Variants in MRPS21 observed in about 807,000 individuals in gnomAD.
MRPS21 encodes mitochondrial ribosomal protein S21.
In MRPS21, 8 loss-of-function variants were observed where a neutral mutation model predicts 9.9. The observed-to-expected ratio is 0.81, with a 90% CI of 0.47 to 1.45. MRPS21 has a LOEUF of 1.45. MRPS21 is among the 40% of genes most tolerant of loss of function. MRPS21 has a pLI of 0.00. For missense variants in MRPS21, 101 were observed against 118.9 expected, an observed-to-expected ratio of 0.85 and a Z score of 0.70; for synonymous variants, 40 against 40.3, an observed-to-expected ratio of 0.99 and a Z score of 0.03.
intron 2 of MRPS21, among the ~76,000 whole-genome samples, chr1:150,296,631 T>C (rs1353411721): frequency 1.3e-5 from 2 of 152,200 alleles, no homozygotes; most frequent in African/African-American, 4.8e-5. Context: ...GCCTTTAATG[T>C]GGTAGCTTTA....
chr1:150,304,970 C>T (rs1326632846), intron 2 of MRPS21: 7 of 353,236 alleles, frequency 2.0e-5, no homozygotes, highest in African/African-American at 2.2e-5. Flanking sequence ...ACCCAGAAGG[C>T]GGAGGTTGCA....
chr1:150,300,456 A>G (rs1553857452), intron 2 of MRPS21, among the ~76,000 whole-genome samples: 1 of 152,154 alleles, frequency 6.6e-6, no homozygotes. Flanking sequence ...TTAAATGTCT[A>G]CTTAATGAAC....
At chr1:150,307,166 C>T (rs1572153750) in intron 2 of MRPS21, among the ~76,000 whole-genome samples, 1 of 151,760 alleles carries the variant, frequency 6.6e-6, no homozygotes, top group African/African-American at 2.4e-5. Flanking sequence ...CTGCCTGCCT[C>T]CTGAGTAGCT....
At chr1:150,294,554 G>C in intron 2 of MRPS21, 105 bp downstream of exon 2, 9 of 944,344 alleles carry the variant, frequency 9.5e-6, no homozygotes, top group Non-Finnish European at 1.5e-5. Flanking sequence ...TGCCAGCCCA[G>C]GTGTTCACAG....
intron 2 of MRPS21, among the ~76,000 whole-genome samples, chr1:150,295,245 C>T (rs1653874365): frequency 6.6e-6 from 1 of 152,094 alleles, no homozygotes; most frequent in Non-Finnish European, 1.5e-5. Context: ...ATCTGCCTGC[C>T]TCTGCCTCCC....
chr1:150,295,960 T>G (rs1653901686), intron 2 of MRPS21, among the ~76,000 whole-genome samples: 2 of 112,732 alleles, frequency 1.8e-5, no homozygotes, highest in Non-Finnish European at 2.2e-5. Flanking sequence ...TACTTTTTTT[T>G]TTTTTTTTTT....
intron 2 of MRPS21, among the ~76,000 whole-genome samples, chr1:150,299,744 C>G (rs916158620): frequency 2.6e-5 from 4 of 152,070 alleles, no homozygotes; most frequent in Admixed American, 1.3e-4. Flanking sequence ...TGTGAGCCAC[C>G]ACACCCAGCC....
chr1:150,294,017 A>G, intron 1 of MRPS21, 119 bp downstream of exon 1: 2 of 265,108 alleles, frequency 7.5e-6, no homozygotes, highest in East Asian at 8.5e-5. Flanking sequence ...TCCCAACTCA[A>G]CCCCTTTTGG....
intron 2 of MRPS21, among the ~76,000 whole-genome samples, chr1:150,304,464 T>A (rs187684883): frequency 6.6e-6 from 1 of 151,466 alleles, no homozygotes; most frequent in Non-Finnish European, 1.5e-5. Flanking sequence ...TTCTTTGAAA[T>A]AGGGTTTCAC....
intron 2 of MRPS21, among the ~76,000 whole-genome samples, chr1:150,305,857 G>GAT (rs1387094087): frequency 1.2e-4 from 16 of 132,290 alleles, no homozygotes; most frequent in Admixed American, 9.1e-4. Context: ...GTTATTAAAA[G>GAT]ATATATATAT....
At chr1:150,304,997 C>A in intron 2 of MRPS21, 1 of 390,812 alleles carries the variant, frequency 2.6e-6, no homozygotes, top group Non-Finnish European at 5.0e-6. Context: ...CAAGATTGCG[C>A]CATTGCACTC....
chr1:150,305,873 G>A (rs1172077992), intron 2 of MRPS21, among the ~76,000 whole-genome samples: 1 of 152,048 alleles, frequency 6.6e-6, no homozygotes, highest in Admixed American at 6.6e-5. Context: ...TATATAGGGG[G>A]CAATTGTTTG....
chr1:150,294,395 G>C lies in MRPS21; in HGVS notation c.29G>C (p.Arg10Thr). 2 of 1,613,712 alleles carry C rather than the reference G, an allele frequency of 1.2e-6. No homozygotes were observed. The highest frequency in any genetic ancestry group is 1.7e-6 in the Non-Finnish European group (2 of 1,179,866). Residue 10 changes from arginine (R) to threonine (T), a missense_variant, in exon 2 of 3, where the codon AGG becomes ACG. Transcript: ENST00000614145. MAKHLKFIARTVMVQEGNVE... is the reference protein window; with the variant it reads MAKHLKFIATTVMVQEGNVE... The stretch of plus-strand genomic sequence containing the variant: ...GCAAAACATCTGAAGTTCATCGCCA[G>C]GACTGTGATGGTACAGGAAGGGAAC...
At chr1:150,307,348 C>CATTTTTTTTTTTTTTTTTTTTT (rs1654376892) in intron 2 of MRPS21, among the ~76,000 whole-genome samples, 1 of 87,552 alleles carries the variant, frequency 1.1e-5, no homozygotes, top group Non-Finnish European at 2.2e-5. Context: ...GTGCCCAGTC[C>CATTTTTTTTTTTTTTTTTTTTT]TTTTTTTTTT....
chr1:150,298,148 G>T (rs1653983785), intron 2 of MRPS21, among the ~76,000 whole-genome samples: 1 of 152,112 alleles, frequency 6.6e-6, no homozygotes, highest in South Asian at 2.1e-4. Context: ...AGTCAGGCTG[G>T]TCTCTAACTC....
intron 2 of MRPS21, among the ~76,000 whole-genome samples, chr1:150,299,579 C>T (rs587699640): frequency 2.6e-5 from 4 of 152,096 alleles, no homozygotes; most frequent in Admixed American, 6.6e-5. Flanking sequence ...CTCAGCCCCC[C>T]GTGTAGCTGG....
intron 2 of MRPS21, among the ~76,000 whole-genome samples, chr1:150,303,009 T>G (rs997141839): frequency 1.3e-5 from 2 of 152,182 alleles, no homozygotes; most frequent in African/African-American, 2.4e-5. Context: ...ACCATTCTTA[T>G]GTTCTTTTGT....
At chr1:150,295,980 T>A (rs1231004812) in intron 2 of MRPS21, among the ~76,000 whole-genome samples, 1 of 141,862 alleles carries the variant, frequency 7.0e-6, no homozygotes, top group Non-Finnish European at 1.5e-5. Flanking sequence ...TAAAACGGAG[T>A]CTTGCTCTGT....
intron 1 of MRPS21, 137 bp from the exon 2 acceptor site, chr1:150,294,198 G>A (rs1231011511): frequency 3.4e-6 from 2 of 596,044 alleles, no homozygotes; most frequent in Non-Finnish European, 6.2e-6. Context: ...TACTTTCTAG[G>A]ATGACTTCCA....
Sources: gnomAD v4.1 joint callset for allele counts (sites outside exome capture counted in the v4.1 genomes callset) on GRCh38, gnomAD v4.1.1 for gene constraint, MANE v1.5 for transcripts, NCBI Gene and HGNC (gene_info 2026-07-23, HGNC 2026-07-21) for gene names.